STK11IP: variants seen among roughly 807,000 people sequenced by gnomAD.
The protein encoded by STK11IP is serine/threonine kinase 11 interacting protein, also known as serine/threonine-protein kinase 11-interacting protein.
STK11IP carries 103 observed loss-of-function variants against 131.7 expected under a neutral mutation model. That is an observed-to-expected ratio of 0.78 (90% CI 0.67 to 0.92). The LOEUF is 0.92. Ranked by LOEUF, STK11IP falls within the 40% of genes least tolerant of loss-of-function variation. The probability of loss-of-function intolerance (pLI) is 0.00; values close to 1 mark genes in which losing one functional copy is unlikely to be tolerated. For missense variants in STK11IP, 1,315 were observed against 1,385.7 expected (o/e 0.95, Z 0.81); for synonymous variants, 557 against 575.6 (o/e 0.97, Z 0.46).
intron 9 of STK11IP, 65 bp from the exon 10 acceptor site, chr2:219,606,130 G>A (rs1047039861): frequency 6.5e-7 from 1 of 1,543,066 alleles, no homozygotes; most frequent in African/African-American, 1.4e-5. Context: ...TTTGGTCAGT[G>A]CCTTCTTCAC....
At chr2:219,606,080 G>A in intron 9 of STK11IP, 21 bp downstream of exon 9, 1 of 1,578,532 alleles carries the variant, frequency 6.3e-7, no homozygotes, top group South Asian at 1.2e-5. Context: ...AATGCATCAG[G>A]GGCCTGGGAA....
At position 219,607,076 on chromosome 2, in the gene STK11IP, A is replaced by G. The variant is rs764384031; in HGVS notation, c.1158A>G (p.Ala386=). The change falls in exon 13 of 25, where the codon GCA becomes GCG. Residue 386 remains alanine, a synonymous_variant. Coordinates refer to ENST00000456909, the MANE Select transcript of STK11IP (RefSeq NM_052902.4). The part of the protein sequence containing the change: ...KVKSRVRVRR[A]SISEPSDTDP... Reference sequence around the variant, plus strand: ...AGAGCCGAGTCCGTGTGAGGCGGGCAAGCATCTCTGAACCCAGTGATACGG... The same window carrying G: ...AGAGCCGAGTCCGTGTGAGGCGGGCGAGCATCTCTGAACCCAGTGATACGG... 4 of 1,613,890 alleles carry G rather than the reference A, an allele frequency of 2.5e-6. No individual in the cohort carries two copies. The highest frequency in any genetic ancestry group is 2.2e-5 in the East Asian group (1 of 44,858).
chr2:219,613,075 C>A, intron 19 of STK11IP, 53 bp from the exon 20 acceptor site: 1 of 1,496,078 alleles, frequency 6.7e-7, no homozygotes, highest in Non-Finnish European at 9.2e-7. Context: ...TCAGTCTGGC[C>A]CCACCTCCCC....
intron 13 of STK11IP, 62 bp downstream of exon 13, chr2:219,607,199 T>G: frequency 1.3e-6 from 2 of 1,504,472 alleles, no homozygotes; most frequent in Non-Finnish European, 1.8e-6. Context: ...AATTTTTAAG[T>G]TACAGTGAAG....
rs776490724 is a variant in STK11IP, at chr2:219,608,418, A to G, written c.1591A>G (p.Lys531Glu). Residue 531 changes from lysine (K) to glutamate (E), a missense_variant, in exon 14 of 25, where the codon AAG becomes GAG. Lys to Glu is a moderately conservative substitution (Grantham distance 56). Transcript: ENST00000456909. ...GEEEEEEQDQ[K>E]EVEAELCRPL... ...GGAGGAAGAAGAGGAGCAGGACCAG[A>G]AGGAAGTGGAAGGTGAGCCCTTTGT... is the stretch of plus-strand genomic sequence containing the variant. The G allele has an allele frequency of 1.5e-5, 24 of 1,561,182 alleles. No individual in the cohort carries two copies. The South Asian group carries it at 2.9e-4, about 19-fold the overall frequency.
rs371592893 is a variant in STK11IP, at chr2:219,614,488, A to G, written c.2811A>G (p.Glu937=). ...TPQHRLWPLL[E]KDSSLEARQF... ...ATATTCCCTCTAGGCCATTGCTGGA[A>G]AAAGACTCATCCTTGGAGGCTCGCC... Residue 937 remains glutamate (E), a synonymous_variant, in exon 23 of 25, where the codon GAA becomes GAG. Coordinates refer to ENST00000456909, the MANE Select transcript of STK11IP (RefSeq NM_052902.4). 3 of 1,613,852 alleles carry G rather than the reference A, an allele frequency of 1.9e-6. No homozygotes were observed. Among genetic ancestry groups the G allele is most frequent in the Non-Finnish European group, 2.5e-6 (3 of 1,179,876 alleles).
chr2:219,609,200 A>C lies in STK11IP; in HGVS notation c.1913A>C (p.His638Pro). The C allele has an allele frequency of 6.2e-7, 1 of 1,604,412 alleles. No homozygotes were observed. Among genetic ancestry groups the C allele is most frequent in the Non-Finnish European group, 8.5e-7 (1 of 1,175,664 alleles). The change falls in exon 16 of 25, where the codon CAC (histidine) becomes CCC (proline). Residue 638 changes from histidine to proline, a missense_variant. Physicochemically the swap from His to Pro is moderately conservative, Grantham distance 77. Transcript: ENST00000456909. ...TATTTGGTGCTGGAGCCTGATGCCC[A>C]CGCAGCTGTCCAGGTGATGGCGCCC... ...RRYLVLEPDA[H>P]AAVQELLAVL...
intron 23 of STK11IP, chr2:219,614,831 C>A: frequency 1.6e-6 from 1 of 632,790 alleles, no homozygotes; most frequent in Non-Finnish European, 2.8e-6. Flanking sequence ...CCTGCCTCAT[C>A]AGTCACAGAA....
chr2:219,610,804 C>A (rs775589541), intron 17 of STK11IP, among the ~76,000 whole-genome samples: 6 of 152,172 alleles, frequency 3.9e-5, no homozygotes, highest in Non-Finnish European at 7.3e-5. Flanking sequence ...AGTAAGGCAC[C>A]AAGCAGAGGG....
intron 23 of STK11IP, 22 bp from the exon 24 acceptor site, chr2:219,615,072 C>A (rs1698529562): frequency 4.4e-6 from 7 of 1,601,314 alleles, no homozygotes; most frequent in Non-Finnish European, 6.0e-6. Context: ...ACCTTCCACA[C>A]TGGATGCCTC....
Position 219,606,530 on chromosome 2 carries a change from G to C in STK11IP, c.987+13G>C. 3.1e-6 allele frequency: 5 copies of C among 1,612,556 alleles called. No homozygotes were observed. Among genetic ancestry groups the C allele is most frequent in the African/African-American group, 1.3e-5 (1 of 75,028 alleles). On this transcript the variant is annotated intron_variant, in intron 11 of 24. Transcript: ENST00000456909. ...GACAGATTTTCAGGTCGGTGTGGTTGGGGGGCGAGGACTGTTGGGGGAAGA... is the reference window on the plus strand; with the variant it reads ...GACAGATTTTCAGGTCGGTGTGGTTCGGGGGCGAGGACTGTTGGGGGAAGA...
At chr2:219,609,037 C>T (rs1242944107) in intron 15 of STK11IP, 60 bp from the exon 16 acceptor site, 3 of 1,327,004 alleles carry the variant, frequency 2.3e-6, no homozygotes, top group Non-Finnish European at 3.2e-6. Context: ...CTCAGCATCC[C>T]CTCATCCCTC....
intron 9 of STK11IP, 61 bp from the exon 10 acceptor site, chr2:219,606,134 T>C: frequency 1.3e-6 from 2 of 1,543,280 alleles, no homozygotes; most frequent in Non-Finnish European, 1.8e-6. Flanking sequence ...GTCAGTGCCT[T>C]CTTCACACAG....
chr2:219,610,999 G>A (rs538932133), intron 17 of STK11IP, among the ~76,000 whole-genome samples: 16 of 152,294 alleles, frequency 1.1e-4, no homozygotes, highest in Non-Finnish European at 1.8e-4. Flanking sequence ...TGCCCATCAC[G>A]GTGTAGCTGC....
rs754976848 is a variant in STK11IP at position 219,601,315 on chromosome 2, C to T, written c.142C>T (p.His48Tyr). Residue 48 changes from histidine to tyrosine, a missense_variant, in exon 3 of 25, where the codon CAC becomes TAC. Transcript: ENST00000456909. Reference protein sequence around the residue: ...LQQLNHVFELHLGPWGPGQTG... With the variant: ...LQQLNHVFELYLGPWGPGQTG... ...ACAGCTGAACCACGTATTTGAGCTG[C>T]ACCTGGGGCCATGGGGCCCTGGCCA... The T allele has an allele frequency of 6.2e-7, 1 of 1,614,088 alleles. No homozygotes were observed. The highest frequency in any genetic ancestry group is 1.1e-5 in the South Asian group (1 of 91,090).
rs766700356 is a variant in STK11IP, at chr2:219,602,016, A to G, written c.371A>G (p.His124Arg). The change falls in exon 5 of 25, where the codon CAT (histidine) becomes CGT (arginine). Residue 124 changes from histidine to arginine, a missense_variant. His to Arg is a conservative substitution (Grantham distance 29). Transcript: ENST00000456909. ...ELRGVPLHCL[H>R]GLRGIYSQLE... ...CGAGGTGTTCCCCTCCACTGTCTGC[A>G]TGGCCTCCGAGGCATCTACTCCCAG... 1 of 1,611,840 alleles carries G rather than the reference A, an allele frequency of 6.2e-7. No individual in the cohort carries two copies. The highest frequency in any genetic ancestry group is 1.1e-5 in the South Asian group (1 of 90,378).
In STK11IP at chr2:219,616,191, T is replaced by C. The variant is rs1698564429; in HGVS notation, c.3265T>C (p.Ter1089ArgextTer42). 2 of 1,612,896 alleles carry C rather than the reference T, an allele frequency of 1.2e-6. No individual in the cohort carries two copies. Among genetic ancestry groups the C allele is most frequent in the African/African-American group, 1.3e-5 (1 of 74,912 alleles). The change falls in exon 25 of 25, where the codon TGA becomes CGA. Residue 1089 changes from the stop codon to arginine (R), a stop_lost. Coordinates refer to ENST00000456909, the MANE Select transcript of STK11IP (RefSeq NM_052902.4). The part of the protein sequence containing the change: ...VIQEALALDR[*>R] ...CCAAGAGGCGCTGGCCCTTGACCGA[T>C]GAGGGTCCCACGCTGACCTTGGCCC...
At position 219,614,469 on chromosome 2, in the gene STK11IP, C is replaced by G; in HGVS notation, c.2799-7C>G. The G allele has an allele frequency of 6.2e-7, 1 of 1,613,708 alleles. No homozygotes were observed. Among genetic ancestry groups the G allele is most frequent in the Non-Finnish European group, 8.5e-7 (1 of 1,179,794 alleles). On this transcript the variant is annotated splice_polypyrimidine_tract_variant and splice_region_variant and intron_variant, in intron 22 of 24. Coordinates refer to ENST00000456909, the MANE Select transcript of STK11IP (RefSeq NM_052902.4). ...TGATCTTCCTGTGCCTGCCATATTC[C>G]CTCTAGGCCATTGCTGGAAAAAGAC...
chr2:219,610,177 C>G (rs1188705054), intron 17 of STK11IP: 2 of 154,940 alleles, frequency 1.3e-5, no homozygotes, highest in Non-Finnish European at 2.9e-5. Flanking sequence ...TTCTTGGCGG[C>G]AGCTGGAGCA....
Sources: allele counts gnomAD v4.1 joint callset (sites outside exome capture counted in the v4.1 genomes callset), GRCh38; gene constraint gnomAD v4.1.1; transcripts MANE v1.5; gene names NCBI Gene and HGNC (gene_info 2026-07-23, HGNC 2026-07-21).